TP63: variants seen among roughly 807,000 people sequenced by gnomAD.
TP63 encodes the protein tumor protein 63.
In TP63, 17 loss-of-function variants were observed where a neutral mutation model predicts 82.8. The observed-to-expected ratio is 0.21, with a 90% CI of 0.14 to 0.31. TP63 has a LOEUF of 0.31. TP63 is among the 10% of genes least tolerant of loss of function. TP63 has a pLI of 1.00. For synonymous variants in TP63, 330 were observed against 321.7 expected, an observed-to-expected ratio of 1.03 and a Z score of -0.28; for missense variants, 648 against 895.3, an observed-to-expected ratio of 0.72 and a Z score of 3.52.
intron 1 of TP63, among the ~76,000 whole-genome samples, chr3:189,669,024 A>AC (rs1053990068): frequency 1.3e-5 from 2 of 151,782 alleles, no homozygotes; most frequent in African/African-American, 4.8e-5. Context: ...AAGAAACCAA[A>AC]AAAAAAACCT....
chr3:189,826,963 G>C (rs1312467964), intron 4 of TP63, among the ~76,000 whole-genome samples: 1 of 152,182 alleles, frequency 6.6e-6, no homozygotes, highest in Non-Finnish European at 1.5e-5. Flanking sequence ...GGGTTGACTA[G>C]GCAAGTGACC....
At chr3:189,743,522 A>AC (rs1721151817) in intron 3 of TP63, among the ~76,000 whole-genome samples, 1 of 152,022 alleles carries the variant, frequency 6.6e-6, no homozygotes, top group Non-Finnish European at 1.5e-5. Context: ...ACACACACAC[A>AC]AACATACACA....
At chr3:189,721,109 A>G (rs1229826860) in intron 1 of TP63, among the ~76,000 whole-genome samples, 3 of 152,232 alleles carry the variant, frequency 2.0e-5, no homozygotes, top group Non-Finnish European at 4.4e-5. Flanking sequence ...CAATTTAGGC[A>G]GAGAGTTTTT....
chr3:189,875,611 T>TATATATATATATATACACACAC (rs1553859676), intron 10 of TP63, among the ~76,000 whole-genome samples: 11 of 77,040 alleles, frequency 1.4e-4, no homozygotes, highest in Non-Finnish European at 3.1e-4. Flanking sequence ...TATATATATA[T>TATATATATATATATACACACAC]ATATATATAT....
chr3:189,888,316 G>A (rs1426710507), intron 11 of TP63, among the ~76,000 whole-genome samples: 1 of 152,196 alleles, frequency 6.6e-6, no homozygotes, highest in Non-Finnish European at 1.5e-5. Context: ...GACATAAAAA[G>A]AGTAGAAACC....
intron 4 of TP63, among the ~76,000 whole-genome samples, chr3:189,840,236 T>A (rs1053798034): frequency 2.0e-5 from 3 of 152,280 alleles, no homozygotes; most frequent in Non-Finnish European, 4.4e-5. Context: ...CCTAACTTTT[T>A]TTTTCATGCA....
chr3:189,746,874 G>T (rs970599306), intron 3 of TP63, among the ~76,000 whole-genome samples: 4 of 150,348 alleles, frequency 2.7e-5, no homozygotes, highest in African/African-American at 9.8e-5. Context: ...TACATAGATT[G>T]AAAGATGGAA....
Position 189,896,153 on chromosome 3 carries a change from T to C in TP63, c.*1651T>C. ...CTTCCCATGCATTCTGGTCAAGGGC[T>C]GTCATTGCACATAAGCTTCCATTTT... On this transcript the variant is annotated 3_prime_UTR_variant, in exon 14 of 14. Coordinates refer to ENST00000264731, the MANE Select transcript of TP63 (RefSeq NM_003722.5). 1 of 221,234 alleles carries C rather than the reference T, an allele frequency of 4.5e-6. No individual in the cohort carries two copies. Among genetic ancestry groups the C allele is most frequent in the Non-Finnish European group, 9.1e-6 (1 of 110,252 alleles). The allele number at this position is 221,234 out of a possible 1,614,324, so 13.7% of individuals were successfully genotyped here.
chr3:189,609,211 A>T, the TP63 span, among the ~76,000 whole-genome samples: 6 of 152,144 alleles, frequency 3.9e-5, no homozygotes, highest in African/African-American at 9.7e-5. Context: ...TGTATGGGTG[A>T]TGGATGAGTT....
chr3:189,779,604 C>A (rs1313679748), intron 3 of TP63, among the ~76,000 whole-genome samples: 1 of 152,194 alleles, frequency 6.6e-6, no homozygotes, highest in African/African-American at 2.4e-5. Context: ...TTCAGGCATG[C>A]GTGCAAGACA....
chr3:189,669,072 A>T (rs1023329731), intron 1 of TP63, among the ~76,000 whole-genome samples: 2 of 152,044 alleles, frequency 1.3e-5, no homozygotes, highest in Admixed American at 6.6e-5. Context: ...ACAATTATTC[A>T]GGGAATAAAT....
chr3:189,788,709 G>A (rs531525476), intron 3 of TP63, among the ~76,000 whole-genome samples: 5 of 151,832 alleles, frequency 3.3e-5, no homozygotes, highest in South Asian at 4.1e-4. Context: ...CTAAATCTTC[G>A]TACCAAGGCC....
intron 3 of TP63, among the ~76,000 whole-genome samples, chr3:189,741,039 A>C (rs1214935125): frequency 6.6e-6 from 1 of 152,286 alleles, no homozygotes; most frequent in South Asian, 2.1e-4. Context: ...CCATAGTAGG[A>C]GATTCGGAGA....
chr3:189,606,483 TAGAC>T, the TP63 span, among the ~76,000 whole-genome samples: 2 of 149,452 alleles, frequency 1.3e-5, no homozygotes, highest in Non-Finnish European at 3.0e-5. Flanking sequence ...ATGTAATTGA[TAGAC>T]AGCCTTCTAA....
At chr3:189,832,121 CGCCCA>C (rs1267601976) in intron 4 of TP63, among the ~76,000 whole-genome samples, 2 of 152,100 alleles carry the variant, frequency 1.3e-5, no homozygotes, top group Non-Finnish European at 2.9e-5. Flanking sequence ...TGATCCACCA[CGCCCA>C]GCACTATAAT....
chr3:189,803,592 A>G (rs1372158656), intron 3 of TP63, among the ~76,000 whole-genome samples: 2 of 152,198 alleles, frequency 1.3e-5, no homozygotes, highest in Admixed American at 6.5e-5. Flanking sequence ...TGCAAGCTGT[A>G]TGTTTCAGAA....
At chr3:189,686,355 A>G (rs1370976973) in intron 1 of TP63, among the ~76,000 whole-genome samples, 1 of 152,176 alleles carries the variant, frequency 6.6e-6, no homozygotes, top group Non-Finnish European at 1.5e-5. Flanking sequence ...AGTGTCTTAA[A>G]CAAGAATGGC....
At chr3:189,818,267 G>A (rs991561462) in intron 4 of TP63, among the ~76,000 whole-genome samples, 2 of 151,830 alleles carry the variant, frequency 1.3e-5, no homozygotes, top group African/African-American at 4.8e-5. Context: ...TAAAATTTCT[G>A]ACCAAGCTAT....
the TP63 span, among the ~76,000 whole-genome samples, chr3:189,620,710 G>A: frequency 2.6e-5 from 4 of 152,150 alleles, no homozygotes; most frequent in African/African-American, 9.7e-5. Flanking sequence ...GCCCTACTAG[G>A]TTCAGTCCTT....
Sources: allele counts gnomAD v4.1 joint callset (sites outside exome capture counted in the v4.1 genomes callset), GRCh38; gene constraint gnomAD v4.1.1; transcripts MANE v1.5; gene names NCBI Gene and HGNC (gene_info 2026-07-23, HGNC 2026-07-21).